Variants in CCDC178 observed in about 807,000 individuals in gnomAD.
The protein encoded by CCDC178 is coiled-coil domain containing 178, also known as coiled-coil domain-containing protein 178.
Under a neutral mutation model 117.4 loss-of-function variants are expected in CCDC178, and 126 were observed. The observed-to-expected ratio is 1.07, with a 90% CI of 0.93 to 1.24. CCDC178 has a LOEUF of 1.24. CCDC178 is among the 50% of genes most tolerant of loss of function. The pLI is 0.00. For missense variants in CCDC178, 1,030 were observed against 986.9 expected (o/e 1.04, Z -0.59); for synonymous variants, 283 against 313.4 (o/e 0.90, Z 1.02).
intron 20 of CCDC178, among the ~76,000 whole-genome samples, chr18:33,151,168 C>T (rs2058337741): frequency 6.6e-6 from 1 of 151,722 alleles, no homozygotes; most frequent in African/African-American, 2.4e-5. Flanking sequence ...TTTGGAGCAC[C>T]AAATCTCAGA....
At chr18:33,227,885 GCAA>G (rs2059326342) in intron 15 of CCDC178, among the ~76,000 whole-genome samples, 1 of 152,032 alleles carries the variant, frequency 6.6e-6, no homozygotes. Context: ...ATGAATTTAT[GCAA>G]CAATACGTTT....
intron 20 of CCDC178, among the ~76,000 whole-genome samples, chr18:33,199,490 T>C (rs1270355735): frequency 1.3e-5 from 2 of 152,166 alleles, no homozygotes; most frequent in Non-Finnish European, 1.5e-5. Flanking sequence ...AATCTTAGAA[T>C]TTATGGGATT....
chr18:33,390,697 G>A (rs1435679128), intron 4 of CCDC178, among the ~76,000 whole-genome samples: 4 of 151,950 alleles, frequency 2.6e-5, no homozygotes, highest in African/African-American at 7.2e-5. Flanking sequence ...TTTCAGGGGT[G>A]ATGGAAATTT....
At chr18:33,135,991 T>C (rs936758275) in intron 20 of CCDC178, 3 of 152,132 alleles carry the variant, frequency 2.0e-5, no homozygotes, top group African/African-American at 7.2e-5. Context: ...CAAATGACTG[T>C]TTTATAAATC....
intron 14 of CCDC178, among the ~76,000 whole-genome samples, chr18:33,261,738 T>C (rs952026552): frequency 5.9e-5 from 9 of 152,168 alleles, no homozygotes; most frequent in African/African-American, 2.2e-4. Context: ...AGTTATTTTA[T>C]TAAATTATAA....
intron 21 of CCDC178, among the ~76,000 whole-genome samples, chr18:33,011,730 A>G (rs2055869399): frequency 7.0e-6 from 1 of 143,816 alleles, no homozygotes; most frequent in Non-Finnish European, 1.5e-5. Flanking sequence ...TTTGGCAAAC[A>G]GGCTTAACTT....
At chr18:32,941,263 T>C (rs931515947) in intron 22 of CCDC178, among the ~76,000 whole-genome samples, 1 of 152,114 alleles carries the variant, frequency 6.6e-6, no homozygotes, top group Non-Finnish European at 1.5e-5. Context: ...TTTCAATTAC[T>C]AGCTAATTTC....
Position 32,937,832 on chromosome 18 carries a change from T to C in CCDC178, c.*179A>G. The C allele has an allele frequency of 1.7e-6, 1 of 573,102 alleles. No individual in the cohort carries two copies. The allele number at this position is 573,102 out of a possible 1,614,324, so 35.5% of individuals were successfully genotyped here. ...TGACAGCAGCATGAAAGTCACCTGT[T>C]TCATTGTTATGGATTTGCTGTGAGT... On this transcript the variant is annotated 3_prime_UTR_variant, in exon 23 of 23. Transcript: ENST00000383096.
intron 21 of CCDC178, among the ~76,000 whole-genome samples, chr18:33,006,453 A>G (rs1336550378): frequency 6.6e-6 from 1 of 152,112 alleles, no homozygotes; most frequent in African/African-American, 2.4e-5. Context: ...TTATATGAAC[A>G]ATATCAGTCA....
At chr18:33,097,681 T>C (rs2057563269) in intron 20 of CCDC178, among the ~76,000 whole-genome samples, 1 of 152,100 alleles carries the variant, frequency 6.6e-6, no homozygotes, top group South Asian at 2.1e-4. Flanking sequence ...TGCAATGCAG[T>C]CTTCATAAAA....
At chr18:33,021,854 C>T (rs1322397286) in intron 21 of CCDC178, among the ~76,000 whole-genome samples, 1 of 152,164 alleles carries the variant, frequency 6.6e-6, no homozygotes, top group Non-Finnish European at 1.5e-5. Flanking sequence ...TTAGTGGTGG[C>T]TTCCTTTAAG....
intron 21 of CCDC178, among the ~76,000 whole-genome samples, chr18:33,033,927 GTGTGTGTATATATATA>G (rs1378579444): frequency 1.3e-5 from 2 of 151,674 alleles, no homozygotes; most frequent in African/African-American, 2.4e-5. Flanking sequence ...CAATATCTGT[GTGTGTGTATATATATA>G]TATGTGTATA....
At chr18:33,084,911 A>C (rs1232692903) in intron 21 of CCDC178, among the ~76,000 whole-genome samples, 1 of 152,110 alleles carries the variant, frequency 6.6e-6, no homozygotes, top group Non-Finnish European at 1.5e-5. Context: ...GTATACATAC[A>C]TGATTTTCTA....
chr18:33,255,623 A>C (rs180773547), intron 14 of CCDC178, among the ~76,000 whole-genome samples: 2 of 152,128 alleles, frequency 1.3e-5, no homozygotes, highest in East Asian at 3.9e-4. Context: ...ACAGTGCAGG[A>C]TTTAAGTTAG....
chr18:33,223,160 C>A lies in CCDC178; in HGVS notation c.1878G>T (p.Lys626Asn), dbSNP rs763554535. The A allele has an allele frequency of 8.7e-6, 14 of 1,607,018 alleles. No individual in the cohort carries two copies. The East Asian group carries it at 3.1e-4, about 36-fold the overall frequency. The change falls in exon 18 of 23, where the codon AAG (lysine) becomes AAT (asparagine). Residue 626 changes from lysine (K) to asparagine (N), a missense_variant. Coordinates refer to ENST00000383096, the MANE Select transcript of CCDC178 (RefSeq NM_001105528.4). ...DLIRRKVGKV[K>N]KKLRKKGKKT... ...TCTTCCCCTTTTTTCGTAATTTTTT[C>A]TTTACTTTTCCCACCTTTCTTCTAA...
At chr18:33,003,790 C>T (rs887583553) in intron 21 of CCDC178, among the ~76,000 whole-genome samples, 5 of 151,948 alleles carry the variant, frequency 3.3e-5, no homozygotes, top group Admixed American at 6.6e-5. Flanking sequence ...CCTAAAGACG[C>T]CACCAAAAAC....
intron 22 of CCDC178, among the ~76,000 whole-genome samples, chr18:32,950,503 C>G (rs1210080345): frequency 6.6e-6 from 1 of 152,076 alleles, no homozygotes. Context: ...ACTCTAGTTA[C>G]TTCATTTTGG....
At chr18:33,273,701 T>C (rs957680345) in intron 12 of CCDC178, among the ~76,000 whole-genome samples, 27 of 151,756 alleles carry the variant, frequency 1.8e-4, no homozygotes, top group Admixed American at 1.3e-4. Flanking sequence ...CTTCATACCA[T>C]ACACAAAAAT....
chr18:33,142,672 A>T (rs2058221166), intron 20 of CCDC178, among the ~76,000 whole-genome samples: 1 of 152,196 alleles, frequency 6.6e-6, no homozygotes, highest in Non-Finnish European at 1.5e-5. Context: ...ATTCAAGCAG[A>T]TGTATCAAGA....
Sources: gnomAD v4.1 joint callset for allele counts (sites outside exome capture counted in the v4.1 genomes callset) on GRCh38, gnomAD v4.1.1 for gene constraint, MANE v1.5 for transcripts, NCBI Gene and HGNC (gene_info 2026-07-23, HGNC 2026-07-21) for gene names.